The following FMNL3 variants were observed in gnomAD, a reference collection of about 807,000 sequenced individuals.
FMNL3 encodes the protein formin-like protein 3.
In FMNL3, 57 loss-of-function variants were observed where a neutral mutation model predicts 119.6. That is an observed-to-expected ratio of 0.48 (90% confidence interval 0.39 to 0.59). The LOEUF is 0.59. Among genes scored for constraint, FMNL3 ranks in the 20% least tolerant of loss-of-function variants. The pLI, the probability that FMNL3 is intolerant of heterozygous loss-of-function variation, is 0.00. For missense variants in FMNL3, 1,053 were observed against 1,323.5 expected, an observed-to-expected ratio of 0.80 and a Z score of 3.17; for synonymous variants, 491 against 507.3, an observed-to-expected ratio of 0.97 and a Z score of 0.43.
At chr12:49,660,502 G>C (rs1274642785) in intron 5 of FMNL3, among the ~76,000 whole-genome samples, 1 of 152,140 alleles carries the variant, frequency 6.6e-6, no homozygotes, top group Non-Finnish European at 1.5e-5. Context: ...TATGACTTCT[G>C]CTGAGACAAG....
At chr12:49,691,486 CAG>C (rs1944598678) in intron 1 of FMNL3, among the ~76,000 whole-genome samples, 1 of 152,152 alleles carries the variant, frequency 6.6e-6, no homozygotes, top group African/African-American at 2.4e-5. Context: ...CTGGAAATGA[CAG>C]AGACTAAAAA....
chr12:49,652,788 A>G (rs1943445767), intron 13 of FMNL3, among the ~76,000 whole-genome samples: 1 of 152,236 alleles, frequency 6.6e-6, no homozygotes, highest in African/African-American at 2.4e-5. Context: ...TCAGGAGAAA[A>G]TACAGAAGAG....
At chr12:49,670,983 G>A (rs1944029597) in intron 1 of FMNL3, among the ~76,000 whole-genome samples, 1 of 152,180 alleles carries the variant, frequency 6.6e-6, no homozygotes, top group Non-Finnish European at 1.5e-5. Flanking sequence ...ACACATCGCT[G>A]CCATCTGACC....
At chr12:49,700,529 A>C (rs1198197528) in intron 1 of FMNL3, among the ~76,000 whole-genome samples, 1 of 151,124 alleles carries the variant, frequency 6.6e-6, no homozygotes, top group East Asian at 2.0e-4. Flanking sequence ...AGCCTGGCCA[A>C]CGTGGCAAAA....
At chr12:49,679,880 G>A (rs1205861675) in intron 1 of FMNL3, among the ~76,000 whole-genome samples, 3 of 152,138 alleles carry the variant, frequency 2.0e-5, no homozygotes, top group Admixed American at 6.5e-5. Context: ...TTTGCCTTGC[G>A]ATAACTCTTG....
At chr12:49,701,692 T>G (rs1372340904) in intron 1 of FMNL3, among the ~76,000 whole-genome samples, 1 of 151,990 alleles carries the variant, frequency 6.6e-6, no homozygotes, top group Non-Finnish European at 1.5e-5. Flanking sequence ...GAGGCCGAGG[T>G]GGGCAGATCA....
chr12:49,653,363 T>A, intron 12 of FMNL3, 36 bp from the exon 13 acceptor site: 6 of 1,604,672 alleles, frequency 3.7e-6, no homozygotes, highest in Non-Finnish European at 5.1e-6. Flanking sequence ...GTGCTGGCCC[T>A]AAAGCCTGGG....
chr12:49,656,975 G>T, intron 7 of FMNL3, 76 bp from the exon 8 acceptor site: 1 of 1,525,674 alleles, frequency 6.6e-7, no homozygotes, highest in Non-Finnish European at 9.1e-7. Context: ...TTGACCGTAG[G>T]CCCACCAGCA....
intron 1 of FMNL3, among the ~76,000 whole-genome samples, chr12:49,703,912 G>C (rs940682780): frequency 1.3e-5 from 2 of 152,176 alleles, no homozygotes; most frequent in African/African-American, 4.8e-5. Context: ...GCTTACAGCA[G>C]CAGCCATATT....
chr12:49,659,094 A>T lies in FMNL3; in HGVS notation c.453-500T>A, dbSNP rs553201497. ...TCAGTGCTTTGAAGGAGTCCAGTTG[A>T]TTCTGGATGGCAGGACTAAATGGAA... is the stretch of plus-strand genomic sequence containing the variant. On this transcript the variant is annotated intron_variant, in intron 5 of 25. Coordinates refer to ENST00000335154, the MANE Select transcript of FMNL3 (RefSeq NM_175736.5). Among the ~76,000 whole-genome samples, 3 of 152,348 alleles carry T rather than the reference A, an allele frequency of 2.0e-5. No homozygotes were observed. The East Asian group carries it at 5.8e-4, about 29-fold the overall frequency.
intron 1 of FMNL3, among the ~76,000 whole-genome samples, chr12:49,681,112 A>G (rs889122831): frequency 6.6e-6 from 1 of 152,280 alleles, no homozygotes; most frequent in Non-Finnish European, 1.5e-5. Flanking sequence ...AAGGCTTCAC[A>G]GAGTAAGAGA....
At position 49,639,464 on chromosome 12, in the gene FMNL3, G is replaced by A. The variant is rs952089783; in HGVS notation, c.*6351C>T. ...ATCTTGTAGGAGGTGATCCTAGCCG[G>A]GGGCAGTGGGGACAGCAGAAGAGAG... On this transcript the variant is annotated 3_prime_UTR_variant, in exon 26 of 26. Transcript: ENST00000335154. 1 of 152,342 alleles carries A rather than the reference G, an allele frequency of 6.6e-6. No individual in the cohort carries two copies. The highest frequency in any genetic ancestry group is 2.4e-5 in the African/African-American group (1 of 41,412). 9.4% of individuals were successfully genotyped at this position (152,342 alleles called of 1,614,324 possible).
intron 10 of FMNL3, among the ~76,000 whole-genome samples, 175 bp downstream of exon 10, chr12:49,654,735 C>T (rs1328180004): frequency 6.6e-6 from 1 of 152,058 alleles, no homozygotes; most frequent in Admixed American, 6.5e-5. Context: ...AAATGATATC[C>T]TGAAGTTTCT....
At chr12:49,685,479 A>G (rs1449464138) in intron 1 of FMNL3, among the ~76,000 whole-genome samples, 1 of 151,946 alleles carries the variant, frequency 6.6e-6, no homozygotes, top group Non-Finnish European at 1.5e-5. Flanking sequence ...TAATAATAAT[A>G]ATGTCCCTCC....
At chr12:49,677,649 T>G (rs74709683) in intron 1 of FMNL3, among the ~76,000 whole-genome samples, 2,469 of 152,294 alleles carry the variant, frequency 0.016, 36 homozygotes, top group East Asian at 0.052. Context: ...CAAGCTAGAA[T>G]TTGGCGATAT....
At chr12:49,695,049 A>G (rs559539118) in intron 1 of FMNL3, among the ~76,000 whole-genome samples, 2 of 152,228 alleles carry the variant, frequency 1.3e-5, no homozygotes, top group East Asian at 3.9e-4. Context: ...AAAAGTAAAC[A>G]TTATAGCTAG....
intron 1 of FMNL3, among the ~76,000 whole-genome samples, chr12:49,693,041 A>G (rs1158190004): frequency 6.6e-6 from 1 of 152,246 alleles, no homozygotes; most frequent in Non-Finnish European, 1.5e-5. Flanking sequence ...CAATAAGGTT[A>G]AAAAGGTCAG....
In FMNL3 at chr12:49,693,635, GGTTTTTTT is replaced by G. The variant is rs1369005462; in HGVS notation, c.126+13412_126+13419del. 1.9e-3 allele frequency among the ~76,000 whole-genome samples: 40 copies of G among 21,240 alleles called. 4 individuals carry two copies. The South Asian group carries it at 0.046, about 24-fold the overall frequency. 13.9% of individuals were successfully genotyped at this position (21,240 alleles called of 152,430 possible). On this transcript the variant is annotated intron_variant, in intron 1 of 25. Transcript: ENST00000335154. ...CCACCCGCCTCAGCCTCCCAATCTT[GGTTTTTTT>G]TTTTTTTTTTTTTTTTTTTTTTGAG...
At chr12:49,659,811 C>A in intron 5 of FMNL3, 5 of 985,404 alleles carry the variant, frequency 5.1e-6, no homozygotes, top group Non-Finnish European at 3.6e-6. Context: ...TCAGGATATA[C>A]CCCTCTGAGA....
Sources: allele counts gnomAD v4.1 joint callset (sites outside exome capture counted in the v4.1 genomes callset), GRCh38; gene constraint gnomAD v4.1.1; transcripts MANE v1.5; gene names NCBI Gene and HGNC (gene_info 2026-07-23, HGNC 2026-07-21).